The following TRPC5 variants were observed in gnomAD, a reference collection of about 807,000 sequenced individuals.
The protein encoded by TRPC5 is short transient receptor potential channel 5.
In TRPC5, 9 loss-of-function variants were observed where a neutral mutation model predicts 56.5. The observed-to-expected ratio is 0.16, with a 90% CI of 0.10 to 0.28. TRPC5 has a LOEUF of 0.28. Ranked by LOEUF, TRPC5 falls within the 10% of genes least tolerant of loss-of-function variation. The pLI, the probability that TRPC5 is intolerant of heterozygous loss-of-function variation, is 1.00. For synonymous variants in TRPC5, 282 were observed against 278.5 expected (o/e 1.01, Z -0.13); for missense variants, 469 against 748.9 (o/e 0.63, Z 4.36).
chrX:111,817,049 C>T (rs1261355564), intron 7 of TRPC5, among the ~76,000 whole-genome samples: 1 of 111,777 alleles, frequency 8.9e-6, no homozygotes, highest in Admixed American at 9.5e-5. Context: ...CCTCTGAGCT[C>T]ACATAGTGGA....
chrX:111,937,001 A>C (rs1246912761), intron 2 of TRPC5, among the ~76,000 whole-genome samples: 7 of 105,718 alleles, frequency 6.6e-5, no homozygotes, highest in Non-Finnish European at 1.2e-4. Flanking sequence ...CCTCTCCAGC[A>C]CCTGTTGTTT....
At position 111,770,586 on chromosome X, in the gene TRPC5, T is replaced by C. The variant is rs1945837592; in HGVS notation, c.*5727A>G. 8.9e-6 allele frequency among the ~76,000 whole-genome samples: 1 copy of C among 111,914 alleles called. No individual in the cohort carries two copies. The highest frequency in any genetic ancestry group is 3.7e-4 in the South Asian group (1 of 2,682). On this transcript the variant is annotated 3_prime_UTR_variant, in exon 11 of 11. Coordinates refer to ENST00000262839, the MANE Select transcript of TRPC5 (RefSeq NM_012471.3). ...AATTTGGTGGTTTAGCCCCGTGTTTTAAAGTGTATATCCTCACTCATCCTT... is the reference window on the plus strand; with the variant it reads ...AATTTGGTGGTTTAGCCCCGTGTTTCAAAGTGTATATCCTCACTCATCCTT...
chrX:111,993,409 A>T (rs1458108624), intron 1 of TRPC5, among the ~76,000 whole-genome samples: 1 of 112,202 alleles, frequency 8.9e-6, no homozygotes, highest in Non-Finnish European at 1.9e-5. Flanking sequence ...TCCTTTGGAT[A>T]TATACCCAGT....
chrX:111,843,304 A>T (rs897273114), intron 6 of TRPC5, among the ~76,000 whole-genome samples: 14 of 112,213 alleles, frequency 1.2e-4, no homozygotes, highest in Non-Finnish European at 2.1e-4. Flanking sequence ...AGAGAGAGGC[A>T]CAGATGTCTG....
chrX:112,035,046 T>C lies in TRPC5; in HGVS notation c.-22+46833A>G, dbSNP rs1299004567. Among the ~76,000 whole-genome samples the C allele has an allele frequency of 4.7e-5, 5 of 107,385 alleles. No homozygotes were observed. The East Asian group carries it at 1.5e-3, about 31-fold the overall frequency. The allele number at this position is 107,385 out of a possible 115,157, so 93.3% of individuals were successfully genotyped here. ...TTCTTCTTTTTCTATTTCCTTAAGA[T>C]GTAAAGTGACGCTGTTGATTTGAAG... On this transcript the variant is annotated intron_variant, in intron 1 of 10. Transcript: ENST00000262839.
intron 1 of TRPC5, among the ~76,000 whole-genome samples, chrX:112,011,627 T>C (rs970472180): frequency 1.8e-5 from 2 of 111,834 alleles, no homozygotes; most frequent in Admixed American, 9.4e-5. Context: ...GGGCTCAGTG[T>C]TCCACTGCCC....
At chrX:111,878,735 G>A (rs1033065303) in intron 3 of TRPC5, among the ~76,000 whole-genome samples, 121 of 111,636 alleles carry the variant, frequency 1.1e-3, no homozygotes, top group African/African-American at 3.7e-3. Context: ...AATCAGTCAT[G>A]AGAACAACTG....
chrX:112,064,289 A>C (rs1483972618), intron 1 of TRPC5, among the ~76,000 whole-genome samples: 1 of 111,816 alleles, frequency 8.9e-6, no homozygotes, highest in African/African-American at 3.3e-5. Flanking sequence ...CAAGCCATGG[A>C]GAGGATAAAT....
chrX:111,937,609 C>T (rs2148631193), intron 2 of TRPC5, among the ~76,000 whole-genome samples: 1 of 107,492 alleles, frequency 9.3e-6, no homozygotes, highest in South Asian at 4.0e-4. Context: ...GGAATCCTTT[C>T]CCCCATTGCT....
chrX:112,063,191 C>T (rs1930498615), intron 1 of TRPC5, among the ~76,000 whole-genome samples: 1 of 111,630 alleles, frequency 9.0e-6, no homozygotes, highest in South Asian at 3.8e-4. Context: ...ACCTGAGACT[C>T]TGAGGTTTGA....
chrX:111,963,151 A>G (rs1253823054), intron 1 of TRPC5, among the ~76,000 whole-genome samples: 1 of 112,537 alleles, frequency 8.9e-6, no homozygotes, highest in Admixed American at 9.4e-5. Flanking sequence ...CAACAGGCTT[A>G]AAAAATGGCA....
At chrX:111,796,927 T>G (rs1483030078) in intron 7 of TRPC5, among the ~76,000 whole-genome samples, 1 of 112,274 alleles carries the variant, frequency 8.9e-6, no homozygotes, top group Non-Finnish European at 1.9e-5. Flanking sequence ...CTAACTGGCC[T>G]TGTTGCCTTA....
intron 5 of TRPC5, among the ~76,000 whole-genome samples, chrX:111,851,030 G>T (rs1464901520): frequency 9.0e-6 from 1 of 111,727 alleles, no homozygotes; most frequent in African/African-American, 3.3e-5. Context: ...ATTAACCAGG[G>T]ATTCAAACAT....
intron 3 of TRPC5, among the ~76,000 whole-genome samples, chrX:111,885,542 GTTT>G (rs760694250): frequency 3.2e-4 from 31 of 97,748 alleles, no homozygotes; most frequent in Admixed American, 6.7e-4. Flanking sequence ...TAATCAAAGG[GTTT>G]TTTTTTTTTT....
At chrX:111,974,445 GA>G (rs970511049) in intron 1 of TRPC5, among the ~76,000 whole-genome samples, 64 of 107,091 alleles carry the variant, frequency 6.0e-4, no homozygotes, top group African/African-American at 1.5e-3. Context: ...AGAACACTAG[GA>G]AAAAAAAAAT....
rs572779155 is a variant in TRPC5 at position 112,022,957 on chromosome X, C to T, written c.-22+58922G>A. On this transcript the variant is annotated intron_variant, in intron 1 of 10. Transcript: ENST00000262839. ...TTTTTTTTATTTTTTATTTTTGAGA[C>T]GGAGTCTCGCCCTGTCACCCAAGCT... 2.7e-4 allele frequency among the ~76,000 whole-genome samples: 30 copies of T among 110,420 alleles called. No homozygotes were observed. The South Asian group carries it at 8.9e-3, about 33-fold the overall frequency.
At chrX:111,915,769 C>T (rs777805802) in intron 2 of TRPC5, among the ~76,000 whole-genome samples, 1 of 111,179 alleles carries the variant, frequency 9.0e-6, no homozygotes, top group East Asian at 2.8e-4. Context: ...ACAGCAGGCA[C>T]TCAGCAAAAA....
intron 2 of TRPC5, among the ~76,000 whole-genome samples, chrX:111,914,247 G>T (rs190088707): frequency 8.9e-6 from 1 of 112,063 alleles, no homozygotes; most frequent in Non-Finnish European, 1.9e-5. Context: ...GACAGACCAT[G>T]GATAATTGGG....
At chrX:111,998,531 C>T (rs982856819) in intron 1 of TRPC5, among the ~76,000 whole-genome samples, 2 of 111,805 alleles carry the variant, frequency 1.8e-5, no homozygotes, top group African/African-American at 6.5e-5. Context: ...TGTCTGCAGT[C>T]AGCCCTGCCA....
Sources: gnomAD v4.1 joint callset for allele counts (sites outside exome capture counted in the v4.1 genomes callset) on GRCh38, gnomAD v4.1.1 for gene constraint, MANE v1.5 for transcripts, NCBI Gene and HGNC (gene_info 2026-07-23, HGNC 2026-07-21) for gene names.